The following TNFRSF21 variants were observed in gnomAD, a reference collection of about 807,000 sequenced individuals.
TNFRSF21 encodes tumor necrosis factor receptor superfamily member 21.
TNFRSF21 carries 19 observed loss-of-function variants against 45.6 expected under a neutral mutation model. The ratio of observed to expected loss-of-function variants is 0.42; its 90% CI spans 0.29 to 0.61. TNFRSF21 has a LOEUF of 0.61. Ranked by LOEUF, TNFRSF21 falls within the 20% of genes least tolerant of loss-of-function variation. The pLI is 0.23. For missense variants in TNFRSF21, 737 were observed against 851.5 expected, an observed-to-expected ratio of 0.87 and a Z score of 1.67; for synonymous variants, 314 against 335.5, an observed-to-expected ratio of 0.94 and a Z score of 0.70.
chr6:47,257,759 T>C (rs1765008937), intron 3 of TNFRSF21, among the ~76,000 whole-genome samples: 1 of 152,214 alleles, frequency 6.6e-6, no homozygotes, highest in South Asian at 2.1e-4. Flanking sequence ...TATTTTACTA[T>C]TCCTTTTTAA....
intron 1 of TNFRSF21, among the ~76,000 whole-genome samples, chr6:47,290,386 G>T (rs572840530): frequency 3.9e-5 from 6 of 152,290 alleles, no homozygotes; most frequent in African/African-American, 1.4e-4. Flanking sequence ...GTCATGAATA[G>T]CAAGTATGTG....
intron 1 of TNFRSF21, among the ~76,000 whole-genome samples, chr6:47,298,151 T>G (rs889271387): frequency 5.9e-5 from 9 of 152,036 alleles, no homozygotes; most frequent in African/African-American, 2.2e-4. Flanking sequence ...TTCCCTGATC[T>G]AGTCCCATGA....
intron 5 of TNFRSF21, 54 bp from the exon 6 acceptor site, chr6:47,233,048 G>T (rs748959188): frequency 1.3e-6 from 2 of 1,561,918 alleles, no homozygotes; most frequent in Non-Finnish European, 1.8e-6. Context: ...TACTGGCAAG[G>T]CCTGGAGGAA....
chr6:47,273,377 T>C (rs1444079967), intron 3 of TNFRSF21, among the ~76,000 whole-genome samples: 1 of 152,184 alleles, frequency 6.6e-6, no homozygotes, highest in Admixed American at 6.5e-5. Context: ...AATCAATAAA[T>C]GTAATCCATC....
Position 47,309,531 on chromosome 6 carries a change from AGGGGCGCCC to A in TNFRSF21, c.-29_-21del, listed in dbSNP as rs771774885. The A allele has an allele frequency of 1.7e-4, 240 of 1,416,134 alleles. No individual in the cohort carries two copies. Among genetic ancestry groups the A allele is most frequent in the Admixed American group, 2.9e-4 (9 of 31,476 alleles). 87.7% of individuals were successfully genotyped at this position (1,416,134 alleles called of 1,614,324 possible). A position where few individuals can be genotyped will look rare whatever the true frequency, so the allele number is the denominator to read the frequency against. ...CCCCATGGCTGAACCGGGGACTCGC[AGGGGCGCCC>A]GGGGCGCGCGGGGCAGCTGGAATCG... On this transcript the variant is annotated 5_prime_UTR_variant, in exon 1 of 6. Coordinates refer to ENST00000296861, the MANE Select transcript of TNFRSF21 (RefSeq NM_014452.5).
intron 1 of TNFRSF21, among the ~76,000 whole-genome samples, chr6:47,304,785 G>A (rs1040471926): frequency 1.3e-5 from 2 of 152,054 alleles, no homozygotes; most frequent in Admixed American, 6.5e-5. Context: ...ATTTACTTGT[G>A]TAGTTTATTT....
chr6:47,302,803 C>T (rs1762888868), intron 1 of TNFRSF21, among the ~76,000 whole-genome samples: 1 of 152,198 alleles, frequency 6.6e-6, no homozygotes, highest in Admixed American at 6.5e-5. Context: ...GCAGAAAAAG[C>T]AGTGTGCACA....
At chr6:47,260,654 A>T (rs763753947) in intron 3 of TNFRSF21, among the ~76,000 whole-genome samples, 1 of 152,204 alleles carries the variant, frequency 6.6e-6, no homozygotes, top group African/African-American at 2.4e-5. Context: ...AATGTCATCA[A>T]TGAGAACCCA....
At chr6:47,241,300 A>G (rs943330885) in intron 4 of TNFRSF21, among the ~76,000 whole-genome samples, 1 of 152,200 alleles carries the variant, frequency 6.6e-6, no homozygotes, top group Non-Finnish European at 1.5e-5. Context: ...AAGTTCGGAC[A>G]CTGTAAAATA....
rs1386673278 is a variant in TNFRSF21 at position 47,286,730 on chromosome 6, CT to C, written c.97-136del. 6.5e-6 allele frequency: 6 copies of C among 917,208 alleles called. No homozygotes were observed. In the Admixed American group the frequency reaches 8.7e-5, roughly 13 times the overall value. 56.8% of individuals were successfully genotyped at this position (917,208 alleles called of 1,614,324 possible). A position where few individuals can be genotyped will look rare whatever the true frequency, so the allele number is the denominator to read the frequency against. On this transcript the variant is annotated intron_variant, in intron 1 of 5. Coordinates refer to ENST00000296861, the MANE Select transcript of TNFRSF21 (RefSeq NM_014452.5). ...AAAGATCCGACCAGGACTGCATCCT[CT>C]TGACAGCATGCTGCAACACAGTAGA...
At position 47,253,402 on chromosome 6, in the gene TNFRSF21, C is replaced by G; in HGVS notation, c.1363G>C (p.Asp455His). ...AGAGCTGCGTAGGCCCGCTCGTGGT[C>G]GGCTGTGTACCCATTGGAGAAAGCA... is the stretch of plus-strand genomic sequence containing the variant. ...VAAFSNGYTADHERAYAALQH... is the reference protein window; with the variant it reads ...VAAFSNGYTAHHERAYAALQH... Residue 455 changes from aspartate (D) to histidine (H), a missense_variant, in exon 4 of 6, where the codon GAC becomes CAC. By Grantham distance (81) the Asp-to-His change is moderately conservative (BLOSUM62 -1). Coordinates refer to ENST00000296861, the MANE Select transcript of TNFRSF21 (RefSeq NM_014452.5). 1 of 1,614,114 alleles carries G rather than the reference C, an allele frequency of 6.2e-7. No individual in the cohort carries two copies. Among genetic ancestry groups the G allele is most frequent in the Non-Finnish European group, 8.5e-7 (1 of 1,180,012 alleles).
At chr6:47,259,845 A>C (rs980180715) in intron 3 of TNFRSF21, among the ~76,000 whole-genome samples, 3 of 152,224 alleles carry the variant, frequency 2.0e-5, no homozygotes, top group African/African-American at 7.2e-5. Context: ...GGGAAGGATC[A>C]GGTAGTGGGA....
chr6:47,241,622 T>C (rs909249331), intron 4 of TNFRSF21, among the ~76,000 whole-genome samples: 1 of 152,144 alleles, frequency 6.6e-6, no homozygotes, highest in Middle Eastern at 3.2e-3. Context: ...TATACATACA[T>C]AGATAAAGCA....
rs1190184158 is a variant in TNFRSF21 at position 47,286,563 on chromosome 6, T to C, written c.129A>G (p.Pro43=). 4 of 1,610,038 alleles carry C rather than the reference T, an allele frequency of 2.5e-6. No individual in the cohort carries two copies. Among genetic ancestry groups the C allele is most frequent in the South Asian group, 1.1e-5 (1 of 90,962 alleles). The change falls in exon 2 of 6, where the codon CCA becomes CCG. Residue 43 remains proline (P), a synonymous_variant. Transcript: ENST00000296861. ...LGFLSTTTAQ[P]EQKASNLIGT... ...CAATGAGATTCGAGGCCTTCTGTTC[T>C]GGCTGAGCTGTGGTGGTGCTAAGGA... is the stretch of plus-strand genomic sequence containing the variant.
intron 1 of TNFRSF21, among the ~76,000 whole-genome samples, chr6:47,309,193 C>G (rs573925561): frequency 2.0e-5 from 3 of 152,180 alleles, no homozygotes; most frequent in African/African-American, 7.2e-5. Flanking sequence ...GAAAACAATT[C>G]GTCTTCATTC....
intron 1 of TNFRSF21, among the ~76,000 whole-genome samples, chr6:47,304,650 A>G (rs1762913960): frequency 6.6e-6 from 1 of 152,244 alleles, no homozygotes; most frequent in Admixed American, 6.5e-5. Context: ...ACATTTAGCC[A>G]CACTAAAATA....
At chr6:47,243,748 C>T (rs1348615966) in intron 4 of TNFRSF21, among the ~76,000 whole-genome samples, 1 of 152,044 alleles carries the variant, frequency 6.6e-6, no homozygotes, top group South Asian at 2.1e-4. Flanking sequence ...GGCCTTTTTT[C>T]GTTTAACCCT....
At position 47,270,347 on chromosome 6, in the gene TNFRSF21, C is replaced by T. The variant is rs1762396857; in HGVS notation, c.1243+13591G>A. 3.9e-5 allele frequency among the ~76,000 whole-genome samples: 6 copies of T among 152,268 alleles called. No homozygotes were observed. In the South Asian group the frequency reaches 1.0e-3, roughly 26 times the overall value. ...TGCAATATTTGCCGTTCTGCAACAT[C>T]CACTGGTGATACCCAGGCGAACAAG... On this transcript the variant is annotated intron_variant, in intron 3 of 5. Transcript: ENST00000296861.
At chr6:47,233,349 C>T (rs1764615288) in intron 5 of TNFRSF21, among the ~76,000 whole-genome samples, 1 of 152,040 alleles carries the variant, frequency 6.6e-6, no homozygotes, top group Non-Finnish European at 1.5e-5. Context: ...CTTAAAGAAA[C>T]CAAAGAAACA....
Sources: gnomAD v4.1 joint callset for allele counts (sites outside exome capture counted in the v4.1 genomes callset) on GRCh38, gnomAD v4.1.1 for gene constraint, MANE v1.5 for transcripts, NCBI Gene and HGNC (gene_info 2026-07-23, HGNC 2026-07-21) for gene names.